FRMD5: variants seen among roughly 807,000 people sequenced by gnomAD.
FRMD5 encodes the protein FERM domain-containing protein 5.
A neutral mutation model predicts 69.0 loss-of-function variants in FRMD5; 20 were observed. The ratio of observed to expected loss-of-function variants is 0.29; its 90% CI spans 0.20 to 0.42. The LOEUF is 0.42. Among genes scored for constraint, FRMD5 ranks in the 10% least tolerant of loss-of-function variants. The pLI is 1.00. For missense variants in FRMD5, 595 were observed against 708.6 expected, an observed-to-expected ratio of 0.84 and a Z score of 1.82; for synonymous variants, 271 against 260.1, an observed-to-expected ratio of 1.04 and a Z score of -0.40.
At chr15:43,940,786 G>A (rs1299132350) in intron 1 of FRMD5, among the ~76,000 whole-genome samples, 2 of 152,196 alleles carry the variant, frequency 1.3e-5, no homozygotes. Context: ...GGGCGTGAAT[G>A]AGAATTAGGA....
At chr15:44,094,636 C>A (rs1423416259) in intron 1 of FRMD5, among the ~76,000 whole-genome samples, 1 of 152,104 alleles carries the variant, frequency 6.6e-6, no homozygotes, top group East Asian at 1.9e-4. Flanking sequence ...GATTGTAGCA[C>A]AAATTATTTT....
chr15:44,093,285 TAGGG>T (rs2076501460), intron 1 of FRMD5, among the ~76,000 whole-genome samples: 1 of 151,906 alleles, frequency 6.6e-6, no homozygotes, highest in Non-Finnish European at 1.5e-5. Context: ...ATACATTAGA[TAGGG>T]AGTATTTTTA....
chr15:44,155,719 G>A (rs1418189938), intron 1 of FRMD5, among the ~76,000 whole-genome samples: 1 of 149,568 alleles, frequency 6.7e-6, no homozygotes, highest in Admixed American at 6.6e-5. Context: ...TCAGCCTCCC[G>A]AGTAGCTGGG....
chr15:43,891,836 C>T (rs1220592947), intron 8 of FRMD5, 145 bp downstream of exon 8: 1 of 660,308 alleles, frequency 1.5e-6, no homozygotes, highest in Non-Finnish European at 2.7e-6. Context: ...AGACCACTCC[C>T]TTCGTCAGTT....
At chr15:44,126,050 A>G (rs987593406) in intron 1 of FRMD5, among the ~76,000 whole-genome samples, 1 of 152,250 alleles carries the variant, frequency 6.6e-6, no homozygotes. Context: ...AAAAACCAAT[A>G]TAAGTGAAGT....
chr15:43,985,515 A>G (rs1889353246), intron 1 of FRMD5, among the ~76,000 whole-genome samples: 1 of 152,090 alleles, frequency 6.6e-6, no homozygotes, highest in African/African-American at 2.4e-5. Context: ...TTTATATTAT[A>G]AATCAAACTT....
At chr15:43,914,322 C>T (rs530074) in intron 4 of FRMD5, among the ~76,000 whole-genome samples, 39,498 of 152,060 alleles carry the variant, frequency 0.26, 9,773 homozygotes, top group African/African-American at 0.65. Context: ...ACTGGCTTCC[C>T]CTATTTACTA....
chr15:43,907,007 G>C (rs936987013), intron 5 of FRMD5, among the ~76,000 whole-genome samples: 1 of 152,162 alleles, frequency 6.6e-6, no homozygotes, highest in Non-Finnish European at 1.5e-5. Context: ...TAAGATCTCA[G>C]GGCAGTAAAC....
In FRMD5 at chr15:43,880,986, C is replaced by T. The variant is rs114481804; in HGVS notation, c.1135+2717G>A. 7.7e-3 allele frequency among the ~76,000 whole-genome samples: 1,169 copies of T among 152,326 alleles called. 9 individuals are homozygous for T. The highest frequency in any genetic ancestry group is 0.026 in the African/African-American group (1,096 of 41,566). On this transcript the variant is annotated intron_variant, in intron 13 of 13. Coordinates refer to ENST00000417257, the MANE Select transcript of FRMD5 (RefSeq NM_032892.5). ...TCAGGATCACAAGGACTGTTTTCCCCGCCTCTGAGTTGTTCTACTAACCCT... is the reference window on the plus strand; with the variant it reads ...TCAGGATCACAAGGACTGTTTTCCCTGCCTCTGAGTTGTTCTACTAACCCT...
chr15:43,919,986 A>T (rs2140440655), intron 2 of FRMD5, among the ~76,000 whole-genome samples, 177 bp from the exon 3 acceptor site: 1 of 152,334 alleles, frequency 6.6e-6, no homozygotes, highest in Non-Finnish European at 1.5e-5. Flanking sequence ...ATGAGCTCCC[A>T]TGGAGCCAGC....
chr15:44,168,812 C>T (rs932389625), intron 1 of FRMD5, among the ~76,000 whole-genome samples: 8 of 152,144 alleles, frequency 5.3e-5, no homozygotes, highest in African/African-American at 7.2e-5. Flanking sequence ...TGATTCTCTC[C>T]GAGGTGCTGA....
At chr15:44,038,729 C>A (rs1463787509) in intron 1 of FRMD5, among the ~76,000 whole-genome samples, 1 of 151,820 alleles carries the variant, frequency 6.6e-6, no homozygotes, top group African/African-American at 2.4e-5. Flanking sequence ...TGGGGCATTG[C>A]CTCACCCGGG....
chr15:44,147,104 G>A (rs146588093), intron 1 of FRMD5, among the ~76,000 whole-genome samples: 2,456 of 152,212 alleles, frequency 0.016, 68 homozygotes, highest in East Asian at 0.05. Context: ...TTTTCTTCTA[G>A]GGTTTTTATA....
rs1015813964 is a variant in FRMD5 at position 44,163,842 on chromosome 15, A to G, written c.102+31111T>C. On this transcript the variant is annotated intron_variant, in intron 1 of 13. Coordinates refer to ENST00000417257, the MANE Select transcript of FRMD5 (RefSeq NM_032892.5). Reference sequence around the variant, plus strand: ...TTTTAATAAGGCCACTTCTCTTGCTACATGGGGAGAGTGTGCAGCTGATCA... The same window carrying G: ...TTTTAATAAGGCCACTTCTCTTGCTGCATGGGGAGAGTGTGCAGCTGATCA... Among the ~76,000 whole-genome samples the G allele has an allele frequency of 1.8e-4, 28 of 152,196 alleles. 2 individuals are homozygous for G. The highest frequency in any genetic ancestry group is 4.4e-5 in the Non-Finnish European group (3 of 68,040).
rs139267676 is a variant in FRMD5, at chr15:44,190,685, G to A, written c.102+4268C>T. On this transcript the variant is annotated intron_variant, in intron 1 of 13. Transcript: ENST00000417257. ...CGGGAGAGGGGTCACACAGCAAAAC[G>A]GTTTGTAATGGAATGGATTAAAACT... Among the ~76,000 whole-genome samples the A allele has an allele frequency of 4.8e-3, 731 of 152,200 alleles. 8 individuals carry two copies. Among genetic ancestry groups the A allele is most frequent in the African/African-American group, 0.016 (673 of 41,514 alleles).
At chr15:44,103,945 T>C (rs2140539877) in intron 1 of FRMD5, among the ~76,000 whole-genome samples, 1 of 152,334 alleles carries the variant, frequency 6.6e-6, no homozygotes, top group East Asian at 1.9e-4. Flanking sequence ...GCAATGCCAG[T>C]CATATAAAAG....
intron 1 of FRMD5, among the ~76,000 whole-genome samples, chr15:44,153,069 G>A (rs1366659376): frequency 6.6e-6 from 1 of 152,142 alleles, no homozygotes; most frequent in East Asian, 1.9e-4. Context: ...GACAAATGCT[G>A]GACAGGATGT....
intron 1 of FRMD5, among the ~76,000 whole-genome samples, chr15:43,978,439 G>A (rs753196935): frequency 2.0e-5 from 3 of 152,156 alleles, no homozygotes; most frequent in South Asian, 2.1e-4. Flanking sequence ...AAGGGACTGC[G>A]ATTGAGTTGG....
chr15:44,029,465 G>T (rs143148646), intron 1 of FRMD5, among the ~76,000 whole-genome samples: 1,710 of 152,312 alleles, frequency 0.011, 25 homozygotes, highest in South Asian at 0.02. Flanking sequence ...TATTTTACCT[G>T]CCCCAGGATA....
Sources: gnomAD v4.1 joint callset for allele counts (sites outside exome capture counted in the v4.1 genomes callset) on GRCh38, gnomAD v4.1.1 for gene constraint, MANE v1.5 for transcripts, NCBI Gene and HGNC (gene_info 2026-07-23, HGNC 2026-07-21) for gene names.